Variants in DNAJC21 observed in about 807,000 individuals in gnomAD.
The protein encoded by DNAJC21 is dnaJ homolog subfamily C member 21.
DNAJC21 carries 63 observed loss-of-function variants against 72.4 expected under a neutral mutation model. That is an observed-to-expected ratio of 0.87 (90% CI 0.71 to 1.07). The LOEUF (loss-of-function observed/expected upper bound fraction) is 1.07. Among genes scored for constraint, DNAJC21 ranks in the 50% least tolerant of loss-of-function variants. DNAJC21 has a pLI of 0.00. For missense variants in DNAJC21, 634 were observed against 644.8 expected, an observed-to-expected ratio of 0.98 and a Z score of 0.18; for synonymous variants, 203 against 216.7, an observed-to-expected ratio of 0.94 and a Z score of 0.56.
chr5:34,935,813 G>A lies in DNAJC21; in HGVS notation c.295G>A (p.Gly99Ser), dbSNP rs1764751341. The stretch of plus-strand genomic sequence containing the variant: ...CTATTTCACCGTTACCTGTTATTCT[G>A]GTTATGGAGATGATGAAAAGGTAAG... Reference protein sequence around the residue: ...LRYFTVTCYSGYGDDEKGFYT... With the variant: ...LRYFTVTCYSSYGDDEKGFYT... The change falls in exon 3 of 12, where the codon GGT becomes AGT. Residue 99 changes from glycine to serine, a missense_variant. By Grantham distance (56) the Gly-to-Ser change is moderately conservative. Coordinates refer to ENST00000648817, the MANE Select transcript of DNAJC21 (RefSeq NM_001012339.3). 3 of 1,613,872 alleles carry A rather than the reference G, an allele frequency of 1.9e-6. No individual in the cohort carries two copies. The highest frequency in any genetic ancestry group is 2.5e-6 in the Non-Finnish European group (3 of 1,179,922).
intron 1 of DNAJC21, 86 bp from the exon 2 acceptor site, chr5:34,933,729 G>GT (rs1020302313): frequency 1.2e-5 from 13 of 1,057,784 alleles, no homozygotes; most frequent in Admixed American, 4.2e-5. Flanking sequence ...CGTCTCATCT[G>GT]TTTGTGGCAT....
chr5:34,934,366 C>G (rs1467297656), intron 2 of DNAJC21, among the ~76,000 whole-genome samples: 2 of 150,988 alleles, frequency 1.3e-5, no homozygotes, highest in African/African-American at 2.4e-5. Context: ...GTAGCTGGGA[C>G]TACAGGTGTG....
In DNAJC21 at chr5:34,951,826, C is replaced by A. The variant is rs1009117882; in HGVS notation, c.1358+1484C>A. The A allele has an allele frequency of 1.2e-5, 12 of 985,376 alleles. No homozygotes were observed. In the African/African-American group the frequency reaches 1.7e-4, roughly 14 times the overall value. The allele number at this position is 985,376 out of a possible 1,614,324, so 61.0% of individuals were successfully genotyped here. A position where few individuals can be genotyped will look rare whatever the true frequency, so the allele number is the denominator to read the frequency against. On this transcript the variant is annotated intron_variant, in intron 10 of 11. Coordinates refer to ENST00000648817, the MANE Select transcript of DNAJC21 (RefSeq NM_001012339.3). The stretch of plus-strand genomic sequence containing the variant: ...GGTGTGAGCTACCGTGTCTGGCCTC[C>A]ATGTTACTTCTACATGAGAATTGAT...
rs1300696074 is a variant in DNAJC21 at position 34,929,934 on chromosome 5, A to G, written c.97+18A>G. Reference sequence around the variant, plus strand: ...GCACCCGGGTAAGTACCTGTCCCGCAGCCCCCGCGGCCACTCGGAGAAGCC... The same window carrying G: ...GCACCCGGGTAAGTACCTGTCCCGCGGCCCCCGCGGCCACTCGGAGAAGCC... On this transcript the variant is annotated intron_variant, in intron 1 of 11. Coordinates refer to ENST00000648817, the MANE Select transcript of DNAJC21 (RefSeq NM_001012339.3). 1.9e-6 allele frequency: 3 copies of G among 1,544,860 alleles called. No individual in the cohort carries two copies. In the East Asian group the frequency reaches 7.6e-5, roughly 39 times the overall value.
intron 8 of DNAJC21, 130 bp downstream of exon 8, chr5:34,945,155 G>A: frequency 4.6e-6 from 5 of 1,088,514 alleles, no homozygotes; most frequent in Admixed American, 2.4e-5. Context: ...TCAGCTCACT[G>A]CAACCTCCAA....
At chr5:34,935,939 T>A in intron 3 of DNAJC21, 106 bp downstream of exon 3, 1 of 1,512,802 alleles carries the variant, frequency 6.6e-7, no homozygotes, top group Non-Finnish European at 8.9e-7. Context: ...GAAGCAGTGT[T>A]CATTTTGAAA....
chr5:34,933,569 A>T (rs1269618692), intron 1 of DNAJC21, among the ~76,000 whole-genome samples: 1 of 152,106 alleles, frequency 6.6e-6, no homozygotes, highest in Non-Finnish European at 1.5e-5. Context: ...GTGAGCCATC[A>T]CGCCCAGCCC....
chr5:34,930,738 A>G (rs1022323780), intron 1 of DNAJC21, among the ~76,000 whole-genome samples: 3 of 152,220 alleles, frequency 2.0e-5, no homozygotes, highest in African/African-American at 7.2e-5. Flanking sequence ...ACGGTTACAG[A>G]GTATCCAATA....
intron 5 of DNAJC21, among the ~76,000 whole-genome samples, chr5:34,938,072 A>T (rs1245219571): frequency 2.0e-5 from 3 of 152,202 alleles, no homozygotes; most frequent in African/African-American, 7.2e-5. Context: ...TGCTGGAATT[A>T]CAGGTATGAG....
chr5:34,953,889 G>A, intron 10 of DNAJC21, 37 bp from the exon 11 acceptor site: 2 of 1,546,496 alleles, frequency 1.3e-6, no homozygotes, highest in Non-Finnish European at 1.8e-6. Context: ...AAAGGAGTAT[G>A]TTATTTTTGG....
chr5:34,934,617 A>G (rs1263121497), intron 2 of DNAJC21, among the ~76,000 whole-genome samples: 3 of 152,232 alleles, frequency 2.0e-5, no homozygotes, highest in African/African-American at 7.2e-5. Flanking sequence ...TGTGACAGAT[A>G]TTACTAATGA....
chr5:34,944,911 C>A lies in DNAJC21; in HGVS notation c.1028C>A (p.Ala343Asp), dbSNP rs752024028. The change falls in exon 8 of 12, where the codon GCC becomes GAC. Residue 343 changes from alanine (A) to aspartate (D), a missense_variant. Coordinates refer to ENST00000648817, the MANE Select transcript of DNAJC21 (RefSeq NM_001012339.3). ...EKSKKHREMV[A>D]LLKQQLEEEE... is the part of the protein sequence containing the mutation. ...TCAAAGAAGCATCGGGAAATGGTGG[C>A]CTTGCTAAAACAACAGCTGGAGGAG... 6.8e-6 allele frequency: 11 copies of A among 1,613,968 alleles called. No homozygotes were observed. The South Asian group carries it at 1.2e-4, about 18-fold the overall frequency.
rs1765120531 is a variant in DNAJC21 at position 34,944,876 on chromosome 5, T to C, written c.993T>C (p.Asn331=). The C allele has an allele frequency of 6.2e-7, 1 of 1,613,944 alleles. No individual in the cohort carries two copies. Among genetic ancestry groups the C allele is most frequent in the Admixed American group, 1.7e-5 (1 of 59,978 alleles). Reference sequence around the variant, plus strand: ...CAGATTGCTCTTTCAGCATGAAGAATCACGAGAAGTCAAAGAAGCATCGGG... The same window carrying C: ...CAGATTGCTCTTTCAGCATGAAGAACCACGAGAAGTCAAAGAAGCATCGGG... ...KSFKTEKAMK[N]HEKSKKHREM... Residue 331 remains asparagine (N), a synonymous_variant, in exon 8 of 12, where the codon AAT becomes AAC. Coordinates refer to ENST00000648817, the MANE Select transcript of DNAJC21 (RefSeq NM_001012339.3).
At chr5:34,932,758 G>GAGCTTCTCC (rs775530618) in intron 1 of DNAJC21, among the ~76,000 whole-genome samples, 17 of 152,226 alleles carry the variant, frequency 1.1e-4, no homozygotes, top group Non-Finnish European at 1.6e-4. Context: ...TTCACCCCAT[G>GAGCTTCTCC]AGCTTCTCCA....
chr5:34,934,540 T>C (rs1390336027), intron 2 of DNAJC21, among the ~76,000 whole-genome samples: 1 of 152,112 alleles, frequency 6.6e-6, no homozygotes, highest in Non-Finnish European at 1.5e-5. Flanking sequence ...CAATACAGTG[T>C]TTTAATACAA....
chr5:34,950,995 T>A, intron 10 of DNAJC21: 1 of 985,442 alleles, frequency 1.0e-6, no homozygotes, highest in African/African-American at 1.7e-5. Context: ...GTTTCTGTCA[T>A]TACAGAACCC....
At position 34,956,184 on chromosome 5, in the gene DNAJC21, G is replaced by A. The variant is rs906561957; in HGVS notation, c.*1470G>A. On this transcript the variant is annotated 3_prime_UTR_variant, in exon 12 of 12. Transcript: ENST00000648817. ...AGATTAACGAAATGAACAAATTTTCGGTTACAGATCAGCTCTCAAACACTA... is the reference window on the plus strand; with the variant it reads ...AGATTAACGAAATGAACAAATTTTCAGTTACAGATCAGCTCTCAAACACTA... The A allele has an allele frequency of 4.6e-5, 7 of 152,268 alleles. No homozygotes were observed. Among genetic ancestry groups the A allele is most frequent in the African/African-American group, 1.5e-4 (6 of 41,286 alleles). The allele number at this position is 152,268 out of a possible 1,614,324, so 9.4% of individuals were successfully genotyped here.
chr5:34,935,600 G>C (rs1185815145), intron 2 of DNAJC21, 110 bp from the exon 3 acceptor site: 2 of 1,404,026 alleles, frequency 1.4e-6, no homozygotes. Context: ...TTATGGATTG[G>C]ACATATCAAC....
intron 6 of DNAJC21, among the ~76,000 whole-genome samples, chr5:34,939,975 G>T (rs559574667): frequency 6.6e-6 from 1 of 152,280 alleles, no homozygotes; most frequent in East Asian, 1.9e-4. Context: ...TAATACTTTT[G>T]AAAGTACTTT....
Sources: allele counts gnomAD v4.1 joint callset (sites outside exome capture counted in the v4.1 genomes callset), GRCh38; gene constraint gnomAD v4.1.1; transcripts MANE v1.5; gene names NCBI Gene and HGNC (gene_info 2026-07-23, HGNC 2026-07-21).